The following PCDHGA12 variants were observed in gnomAD, a reference collection of about 807,000 sequenced individuals.
PCDHGA12 encodes protocadherin gamma-A12.
PCDHGA12 carries 43 observed loss-of-function variants against 61.1 expected under a neutral mutation model. The ratio of observed to expected loss-of-function variants is 0.70; its 90% CI spans 0.55 to 0.91. The LOEUF (loss-of-function observed/expected upper bound fraction) is 0.91. Ranked by LOEUF, PCDHGA12 falls within the 40% of genes least tolerant of loss-of-function variation. PCDHGA12 has a pLI of 0.00. For missense variants in PCDHGA12, 1,236 were observed against 1,227.7 expected, an observed-to-expected ratio of 1.01 and a Z score of -0.10; for synonymous variants, 520 against 542.9, an observed-to-expected ratio of 0.96 and a Z score of 0.59.
At chr5:141,498,467 G>C (rs535351060) in intron 2 of PCDHGA12, among the ~76,000 whole-genome samples, 1 of 152,116 alleles carries the variant, frequency 6.6e-6, no homozygotes, top group East Asian at 1.9e-4. Context: ...GTCTAACCCT[G>C]GTTCCAGCCT....
intron 2 of PCDHGA12, among the ~76,000 whole-genome samples, chr5:141,503,275 C>T (rs1466636672): frequency 1.3e-5 from 2 of 152,108 alleles, no homozygotes; most frequent in Non-Finnish European, 2.9e-5. Context: ...GCACCTGGCT[C>T]TGTGTCTGGT....
rs2099415271 is a variant in PCDHGA12, at chr5:141,477,659, G to A, written c.2425-17148G>A. 6.2e-7 allele frequency: 1 copy of A among 1,614,194 alleles called. No individual in the cohort carries two copies. The highest frequency in any genetic ancestry group is 1.3e-5 in the African/African-American group (1 of 75,046). ...GGGTCGCTATTTCACAATAAATCGT[G>A]ACAATGGCATAGTGTCATCCTTAGT... On this transcript the variant is annotated intron_variant, in intron 1 of 3. Transcript: ENST00000252085. The surrounding 1 kb of genome is among the most constrained non-coding windows in gnomAD (Gnocchi z 4.9).
chr5:141,434,667 G>T (rs1464226862), intron 1 of PCDHGA12, among the ~76,000 whole-genome samples: 3 of 152,074 alleles, frequency 2.0e-5, no homozygotes, highest in East Asian at 3.9e-4. Context: ...CTATAGAAAT[G>T]ATGCTAATGA....
intron 1 of PCDHGA12, among the ~76,000 whole-genome samples, chr5:141,439,595 G>A (rs752771969): frequency 3.9e-5 from 6 of 152,192 alleles, no homozygotes; most frequent in Non-Finnish European, 5.9e-5. Flanking sequence ...CTGTTGGCCA[G>A]TCTGGAAACA....
chr5:141,444,008 A>G (rs2098413646), intron 1 of PCDHGA12, among the ~76,000 whole-genome samples: 2 of 152,140 alleles, frequency 1.3e-5, no homozygotes, highest in Non-Finnish European at 2.9e-5. Context: ...CTACCTGGGT[A>G]TTGGCTTCTA....
chr5:141,433,232 C>T (rs1344380820), intron 1 of PCDHGA12, 49 bp downstream of exon 1: 1 of 1,516,488 alleles, frequency 6.6e-7, no homozygotes, highest in Admixed American at 1.9e-5. Flanking sequence ...ATTGCTCTGT[C>T]TCCCAAGCTG....
In PCDHGA12 at chr5:141,485,111, G is replaced by C. The variant is rs2099607127; in HGVS notation, c.2425-9696G>C. On this transcript the variant is annotated intron_variant, in intron 1 of 3. Coordinates refer to ENST00000252085, the MANE Select transcript of PCDHGA12 (RefSeq NM_003735.3). The surrounding 1 kb of genome is among the most constrained non-coding windows in gnomAD (Gnocchi z 5.7). The stretch of plus-strand genomic sequence containing the variant: ...ATAGGTGTCTCCAGCTGCTGTGGCT[G>C]TTTGGGGCGGGTCGGCTTCATCCGC... 5.4e-6 allele frequency: 7 copies of C among 1,287,562 alleles called. No individual in the cohort carries two copies. The highest frequency in any genetic ancestry group is 7.8e-6 in the Non-Finnish European group (7 of 899,436). 79.8% of individuals were successfully genotyped at this position (1,287,562 alleles called of 1,614,324 possible). A position where few individuals can be genotyped will look rare whatever the true frequency, so the allele number is the denominator to read the frequency against.
chr5:141,501,530 G>T (rs556760554), intron 2 of PCDHGA12, among the ~76,000 whole-genome samples: 1 of 151,998 alleles, frequency 6.6e-6, no homozygotes, highest in East Asian at 1.9e-4. Flanking sequence ...AGCCCAGTAC[G>T]TTGTTGTGCA....
rs553276457 is a variant in PCDHGA12 at position 141,480,179 on chromosome 5, G to A, written c.2425-14628G>A. Among the ~76,000 whole-genome samples, 10 of 152,058 alleles carry A rather than the reference G, an allele frequency of 6.6e-5. No individual in the cohort carries two copies. In the South Asian group the frequency reaches 8.3e-4, roughly 13 times the overall value. On this transcript the variant is annotated intron_variant, in intron 1 of 3. Transcript: ENST00000252085. ...AGCATTTTGGGAGGCTGAGGCAGGC[G>A]GATTGCTTGAGGCCAGCAGTTCAAG... is the stretch of plus-strand genomic sequence containing the variant.
Position 141,430,941 on chromosome 5 carries a change from A to G in PCDHGA12, c.182A>G (p.Glu61Gly). 1 of 1,608,258 alleles carries G rather than the reference A, an allele frequency of 6.2e-7. No homozygotes were observed. Among genetic ancestry groups the G allele is most frequent in the Non-Finnish European group, 8.5e-7 (1 of 1,177,740 alleles). ...GGGCTGGAGCCCCGGGAGCTCGCGG[A>G]GCGCGGAGTCCGCATCATCCCCAGA... ...DLGLEPRELA[E>G]RGVRIIPRGR... Residue 61 changes from glutamate (E) to glycine (G), a missense_variant, in exon 1 of 4, where the codon GAG (glutamate) becomes GGG (glycine). Glu to Gly is a moderately conservative substitution (Grantham distance 98). Coordinates refer to ENST00000252085, the MANE Select transcript of PCDHGA12 (RefSeq NM_003735.3).
rs2099710738 is a variant in PCDHGA12, at chr5:141,491,331, T to C, written c.2425-3476T>C. 6.2e-7 allele frequency: 1 copy of C among 1,614,170 alleles called. No homozygotes were observed. The highest frequency in any genetic ancestry group is 8.5e-7 in the Non-Finnish European group (1 of 1,180,018). On this transcript the variant is annotated intron_variant, in intron 1 of 3. Coordinates refer to ENST00000252085, the MANE Select transcript of PCDHGA12 (RefSeq NM_003735.3). The surrounding 1 kb of genome is among the most constrained non-coding windows in gnomAD (Gnocchi z 6.9). ...ACCTTACCCTTTACCTCATTGTGGC[T>C]CTAGCGACCGTCAGTCTCTTATCCC...
chr5:141,453,387 G>A (rs1313174494), intron 1 of PCDHGA12, among the ~76,000 whole-genome samples: 1 of 151,936 alleles, frequency 6.6e-6, no homozygotes, highest in Non-Finnish European at 1.5e-5. Flanking sequence ...TCCTGCCTTA[G>A]CCTCCAAGTG....
intron 2 of PCDHGA12, among the ~76,000 whole-genome samples, chr5:141,497,543 T>C (rs896069181): frequency 4.7e-5 from 7 of 149,068 alleles, no homozygotes; most frequent in Non-Finnish European, 9.0e-5. Context: ...AACAAACCTT[T>C]TTTTTTTTTT....
intron 1 of PCDHGA12, among the ~76,000 whole-genome samples, chr5:141,450,888 G>A (rs1038570371): frequency 6.9e-5 from 10 of 145,278 alleles, no homozygotes; most frequent in Admixed American, 4.1e-4. Context: ...GCAGTGGTGC[G>A]ATATCGGCTC....
Position 141,485,175 on chromosome 5 carries a change from T to C in PCDHGA12, c.2425-9632T>C, listed in dbSNP as rs2099608731. ...GTAGAGAATTAGCGGGCGGCAGCAA[T>C]GCTCCGCAAGGTGAGAAGCTGGACA... On this transcript the variant is annotated intron_variant, in intron 1 of 3. Coordinates refer to ENST00000252085, the MANE Select transcript of PCDHGA12 (RefSeq NM_003735.3). The surrounding 1 kb of genome is among the most constrained non-coding windows in gnomAD (Gnocchi z 5.7). 6.2e-7 allele frequency: 1 copy of C among 1,611,486 alleles called. No homozygotes were observed. Among genetic ancestry groups the C allele is most frequent in the Non-Finnish European group, 8.5e-7 (1 of 1,177,998 alleles).
Position 141,485,818 on chromosome 5 carries a change from C to A in PCDHGA12, c.2425-8989C>A, listed in dbSNP as rs757848513. The A allele has an allele frequency of 1.2e-6, 2 of 1,613,910 alleles. No individual in the cohort carries two copies. The highest frequency in any genetic ancestry group is 1.7e-6 in the Non-Finnish European group (2 of 1,179,974). On this transcript the variant is annotated intron_variant, in intron 1 of 3. Transcript: ENST00000252085. The surrounding 1 kb of genome is among the most constrained non-coding windows in gnomAD (Gnocchi z 5.7). ...ACTACCGCCTGGTGCTGACTGCTGT[C>A]GATGGAGGGAACCCGCCGAGATCTG...
intron 2 of PCDHGA12, among the ~76,000 whole-genome samples, chr5:141,497,213 G>A (rs1313220474): frequency 6.6e-6 from 1 of 152,126 alleles, no homozygotes; most frequent in Non-Finnish European, 1.5e-5. Flanking sequence ...GTGTAATGGG[G>A]GGGGGAAGAT....
rs2099388737 is a variant in PCDHGA12 at position 141,476,307 on chromosome 5, G to T, written c.2425-18500G>T. 1 of 1,613,606 alleles carries T rather than the reference G, an allele frequency of 6.2e-7. No individual in the cohort carries two copies. The highest frequency in any genetic ancestry group is 1.3e-5 in the African/African-American group (1 of 74,728). ...TTGGATCTCGGTAGCCTCTCAGCCC[G>T]CAGGTTCCGGGTGGTGTCTGGAGCT... On this transcript the variant is annotated intron_variant, in intron 1 of 3. Coordinates refer to ENST00000252085, the MANE Select transcript of PCDHGA12 (RefSeq NM_003735.3). The surrounding 1 kb of genome is among the most constrained non-coding windows in gnomAD (Gnocchi z 7.6).
At chr5:141,498,679 C>T (rs1454800332) in intron 2 of PCDHGA12, among the ~76,000 whole-genome samples, 1 of 152,170 alleles carries the variant, frequency 6.6e-6, no homozygotes, top group African/African-American at 2.4e-5. Flanking sequence ...CGCCTGTAAT[C>T]CCAGCACTTT....
Sources: gnomAD v4.1 joint callset for allele counts (sites outside exome capture counted in the v4.1 genomes callset) on GRCh38, gnomAD v4.1.1 for gene constraint, Gnocchi (gnomAD v3.1) non-coding constraint, MANE v1.5 for transcripts, NCBI Gene and HGNC (gene_info 2026-07-23, HGNC 2026-07-21) for gene names.